Variants in PTPRN2 observed in about 807,000 individuals in gnomAD.
PTPRN2 encodes the protein receptor-type tyrosine-protein phosphatase N2.
Under a neutral mutation model 118.8 loss-of-function variants are expected in PTPRN2, and 74 were observed. The ratio of observed to expected loss-of-function variants is 0.62; its 90% CI spans 0.52 to 0.76. The LOEUF (loss-of-function observed/expected upper bound fraction) is 0.76. Among genes scored for constraint, PTPRN2 ranks in the 30% least tolerant of loss-of-function variants. The pLI is 0.00. For synonymous variants in PTPRN2, 641 were observed against 608.0 expected, an observed-to-expected ratio of 1.05 and a Z score of -0.80; for missense variants, 1,481 against 1,394.4, an observed-to-expected ratio of 1.06 and a Z score of -0.99.
At chr7:157,682,298 G>C (rs148898039) in intron 13 of PTPRN2, among the ~76,000 whole-genome samples, 1 of 152,278 alleles carries the variant, frequency 6.6e-6, no homozygotes, top group East Asian at 1.9e-4. Flanking sequence ...GGTGGCAACT[G>C]GGCAGGTCAA....
intron 2 of PTPRN2, among the ~76,000 whole-genome samples, chr7:158,388,940 C>T (rs2075128087): frequency 6.6e-6 from 1 of 152,242 alleles, no homozygotes; most frequent in Non-Finnish European, 1.5e-5. Context: ...CAGTGCTGAG[C>T]TCAGCTGTGA....
At position 158,112,695 on chromosome 7, in the gene PTPRN2, G is replaced by A. The variant is rs77139499; in HGVS notation, c.1557-1780C>T. On this transcript the variant is annotated intron_variant, in intron 9 of 22. Transcript: ENST00000389418. Reference sequence around the variant, plus strand: ...GCGTCCAGGCTAGGTGCTGAGGGGCGACGTGTCTGTCAGTGCAGAGGTCAA... The same window carrying A: ...GCGTCCAGGCTAGGTGCTGAGGGGCAACGTGTCTGTCAGTGCAGAGGTCAA... 5.2e-3 allele frequency among the ~76,000 whole-genome samples: 787 copies of A among 152,240 alleles called. 26 individuals are homozygous for A. In the East Asian group the frequency reaches 0.098, roughly 19 times the overall value.
intron 11 of PTPRN2, among the ~76,000 whole-genome samples, chr7:157,947,035 T>C (rs1337667905): frequency 6.6e-6 from 1 of 152,148 alleles, no homozygotes; most frequent in Non-Finnish European, 1.5e-5. Context: ...AGTGTGCTGC[T>C]TAGCTCAGAC....
chr7:158,262,716 CA>C (rs1797548847), intron 3 of PTPRN2, among the ~76,000 whole-genome samples: 4 of 150,338 alleles, frequency 2.7e-5, no homozygotes, highest in Admixed American at 6.6e-5. Flanking sequence ...GATTCACACA[CA>C]TTGCGCACAC....
At chr7:157,915,946 G>A (rs939263836) in intron 11 of PTPRN2, among the ~76,000 whole-genome samples, 10 of 152,090 alleles carry the variant, frequency 6.6e-5, no homozygotes, top group South Asian at 6.2e-4. Flanking sequence ...TCTCTGCCCC[G>A]CCCCAGCTGC....
At chr7:158,188,159 ACT>A (rs1335382036) in intron 5 of PTPRN2, among the ~76,000 whole-genome samples, 3 of 149,436 alleles carry the variant, frequency 2.0e-5, no homozygotes, top group Non-Finnish European at 4.5e-5. Flanking sequence ...CGCCCCCTGT[ACT>A]GGGAAGGCCG....
At chr7:158,247,488 G>A (rs1029241020) in intron 3 of PTPRN2, among the ~76,000 whole-genome samples, 3 of 152,224 alleles carry the variant, frequency 2.0e-5, no homozygotes, top group African/African-American at 7.2e-5. Context: ...CCACGCCCAT[G>A]TCCACGGCTC....
chr7:157,605,780 C>A (rs1801967408), intron 15 of PTPRN2, among the ~76,000 whole-genome samples: 1 of 152,198 alleles, frequency 6.6e-6, no homozygotes, highest in Non-Finnish European at 1.5e-5. Context: ...ATGCCTGGGG[C>A]ATTTATGGGC....
intron 10 of PTPRN2, among the ~76,000 whole-genome samples, chr7:158,103,843 T>C (rs1011978723): frequency 6.6e-6 from 1 of 152,096 alleles, no homozygotes; most frequent in African/African-American, 2.4e-5. Context: ...CATTTCCTTC[T>C]GGTTCTTAGA....
At chr7:158,070,926 G>A (rs1431336115) in intron 11 of PTPRN2, among the ~76,000 whole-genome samples, 1 of 132,364 alleles carries the variant, frequency 7.6e-6, no homozygotes, top group African/African-American at 3.2e-5. Context: ...GGTGCTGGAG[G>A]TGCTCCTGGT....
At chr7:158,492,693 G>T (rs1821545576) in intron 1 of PTPRN2, among the ~76,000 whole-genome samples, 1 of 152,238 alleles carries the variant, frequency 6.6e-6, no homozygotes, top group African/African-American at 2.4e-5. Context: ...TAATTTGACT[G>T]CTAAGTTATT....
intron 6 of PTPRN2, among the ~76,000 whole-genome samples, chr7:158,150,462 C>A (rs1299004973): frequency 1.3e-5 from 2 of 152,200 alleles, no homozygotes; most frequent in African/African-American, 2.4e-5. Flanking sequence ...ACTGACGCAG[C>A]AGGCGGATGT....
chr7:158,247,960 G>A (rs758447918), intron 3 of PTPRN2, among the ~76,000 whole-genome samples: 7 of 152,154 alleles, frequency 4.6e-5, no homozygotes, highest in Non-Finnish European at 7.4e-5. Flanking sequence ...ACCCCAGCCT[G>A]GAGAGAGGAG....
At chr7:158,220,489 T>A (rs1322940065) in intron 3 of PTPRN2, among the ~76,000 whole-genome samples, 2 of 152,074 alleles carry the variant, frequency 1.3e-5, no homozygotes, top group African/African-American at 4.8e-5. Context: ...AAAATATCAA[T>A]GTATAAAAAC....
At chr7:158,148,973 AC>A (rs148281875) in intron 6 of PTPRN2, among the ~76,000 whole-genome samples, 2,028 of 34,836 alleles carry the variant, frequency 0.058, 17 homozygotes, top group Non-Finnish European at 0.09. Flanking sequence ...CTTCAATGAC[AC>A]CCCATCTCAC....
intron 6 of PTPRN2, among the ~76,000 whole-genome samples, chr7:158,162,820 C>T (rs538391591): frequency 6.6e-6 from 1 of 152,338 alleles, no homozygotes; most frequent in East Asian, 1.9e-4. Flanking sequence ...CCCGCAGCCT[C>T]GTTGACTGAC....
chr7:157,910,496 G>A (rs1457163294), intron 11 of PTPRN2, among the ~76,000 whole-genome samples: 4 of 151,318 alleles, frequency 2.6e-5, no homozygotes, highest in African/African-American at 7.3e-5. Flanking sequence ...CCAGGATCAC[G>A]CATGTACGCC....
rs924133369 is a variant in PTPRN2 at position 158,307,538 on chromosome 7, T to C, written c.277+9281A>G. On this transcript the variant is annotated intron_variant, in intron 3 of 22. Coordinates refer to ENST00000389418, the MANE Select transcript of PTPRN2 (RefSeq NM_002847.5). ...TATTTGAAGAAATAATGACCCAAAA[T>C]TCCCAAAACTAGATGGAAAACATGA... Among the ~76,000 whole-genome samples the C allele has an allele frequency of 2.6e-5, 4 of 152,144 alleles. 1 individual carries two copies. Among genetic ancestry groups the C allele is most frequent in the Admixed American group, 2.6e-4 (4 of 15,262 alleles).
At chr7:157,569,642 GA>G (rs1412960599) in intron 20 of PTPRN2, among the ~76,000 whole-genome samples, 2 of 152,096 alleles carry the variant, frequency 1.3e-5, no homozygotes, top group South Asian at 2.1e-4. Context: ...AGTAGCAAAG[GA>G]AAAAAAATTT....
Sources: gnomAD v4.1 joint callset for allele counts (sites outside exome capture counted in the v4.1 genomes callset) on GRCh38, gnomAD v4.1.1 for gene constraint, MANE v1.5 for transcripts, NCBI Gene and HGNC (gene_info 2026-07-23, HGNC 2026-07-21) for gene names.